The following WNT3 variants were observed in gnomAD, a reference collection of about 807,000 sequenced individuals.
The protein encoded by WNT3 is Wnt family member 3.
Under a neutral mutation model 34.2 loss-of-function variants are expected in WNT3, and 7 were observed. The observed-to-expected ratio is 0.20, with a 90% CI of 0.12 to 0.38. WNT3 has a LOEUF of 0.38. WNT3 is among the 10% of genes least tolerant of loss of function. The probability of loss-of-function intolerance (pLI) is 1.00; values close to 1 mark genes in which losing one functional copy is unlikely to be tolerated. For synonymous variants in WNT3, 212 were observed against 211.5 expected (o/e 1.00, Z -0.02); for missense variants, 267 against 499.8 (o/e 0.53, Z 4.44).
At chr17:46,765,798 G>A (rs972046408) in intron 4 of WNT3, among the ~76,000 whole-genome samples, 34 of 152,330 alleles carry the variant, frequency 2.2e-4, no homozygotes, top group Admixed American at 1.7e-3. Flanking sequence ...GGCCCTTCAT[G>A]TGCAGGGTCT....
chr17:46,779,053 T>TCTCACACACACACACACACACACA (rs1310974235), intron 1 of WNT3, among the ~76,000 whole-genome samples: 2 of 100,612 alleles, frequency 2.0e-5, no homozygotes, highest in African/African-American at 4.5e-5. Context: ...CCCTACCCCA[T>TCTCACACACACACACACACACACA]CACACACACA....
intron 1 of WNT3, among the ~76,000 whole-genome samples, chr17:46,795,440 C>A (rs139622645): frequency 6.6e-6 from 1 of 152,238 alleles, no homozygotes; most frequent in East Asian, 1.9e-4. Flanking sequence ...GAAGACCAGC[C>A]GGCCCGTGGG....
intron 1 of WNT3, among the ~76,000 whole-genome samples, chr17:46,799,629 G>A (rs1305793006): frequency 6.6e-6 from 1 of 151,824 alleles, no homozygotes; most frequent in South Asian, 2.1e-4. Context: ...TGTATTTTTA[G>A]TAGAGACAGA....
intron 1 of WNT3, among the ~76,000 whole-genome samples, chr17:46,803,426 C>T (rs944280362): frequency 4.6e-5 from 7 of 152,110 alleles, no homozygotes; most frequent in African/African-American, 9.7e-5. Flanking sequence ...CCCAGCTACT[C>T]GCAAGGCTCA....
intron 1 of WNT3, 135 bp from the exon 2 acceptor site, chr17:46,774,044 C>T: frequency 3.8e-6 from 5 of 1,310,488 alleles, no homozygotes; most frequent in Non-Finnish European, 5.2e-6. Context: ...GAATGTGCTA[C>T]CTTTGACCTC....
chr17:46,796,689 A>C (rs924282288), intron 1 of WNT3, among the ~76,000 whole-genome samples: 1 of 152,238 alleles, frequency 6.6e-6, no homozygotes, highest in Non-Finnish European at 1.5e-5. Flanking sequence ...ATGATTCACC[A>C]GCCAGACAGC....
intron 1 of WNT3, among the ~76,000 whole-genome samples, chr17:46,807,459 G>C (rs1199819671): frequency 2.0e-5 from 3 of 152,150 alleles, no homozygotes; most frequent in Admixed American, 1.3e-4. Context: ...TCCAGCCTGG[G>C]CAACAAGAGC....
Position 46,814,934 on chromosome 17 carries a change from C to T in WNT3, c.80+3584G>A, listed in dbSNP as rs115339813. Among the ~76,000 whole-genome samples the T allele has an allele frequency of 4.4e-3, 670 of 152,252 alleles. 10 individuals carry two copies. The highest frequency in any genetic ancestry group is 0.015 in the African/African-American group (638 of 41,542). ...GGCGAGAACTCAGGTGTGCTATTTC[C>T]CAGCTCACTGCCCTTGTCCTCTGCA... On this transcript the variant is annotated intron_variant, in intron 1 of 4. Transcript: ENST00000225512.
chr17:46,795,544 A>G (rs2084042211), intron 1 of WNT3, among the ~76,000 whole-genome samples: 1 of 152,168 alleles, frequency 6.6e-6, no homozygotes, highest in African/African-American at 2.4e-5. Flanking sequence ...CCTCAGGAAC[A>G]TGTGGCTACC....
chr17:46,785,698 G>A (rs2059498098), intron 1 of WNT3, among the ~76,000 whole-genome samples: 1 of 152,246 alleles, frequency 6.6e-6, no homozygotes, highest in Admixed American at 6.5e-5. Flanking sequence ...ATGGTTCTGG[G>A]CAGCCGTGGG....
intron 1 of WNT3, among the ~76,000 whole-genome samples, chr17:46,816,903 G>C (rs1045616571): frequency 1.3e-5 from 2 of 152,204 alleles, no homozygotes; most frequent in African/African-American, 4.8e-5. Context: ...AGGCTGGACT[G>C]GTGTTGGCAG....
In WNT3 at chr17:46,768,807, A is replaced by G. The variant is rs2059336953; in HGVS notation, c.589-8T>C. On this transcript the variant is annotated splice_region_variant and splice_polypyrimidine_tract_variant and intron_variant, in intron 3 of 4. Coordinates refer to ENST00000225512, the MANE Select transcript of WNT3 (RefSeq NM_030753.5). The surrounding 1 kb of genome is among the most constrained non-coding windows in gnomAD (Gnocchi z 5.0). ...CATGTGGTCCAGGATAGTCTGGGGG[A>G]GAGAAGTGGCAGCTGGCCAACAGAC... 1.9e-6 allele frequency: 3 copies of G among 1,611,926 alleles called. No homozygotes were observed. The highest frequency in any genetic ancestry group is 2.5e-6 in the Non-Finnish European group (3 of 1,179,098).
rs139553559 is a variant in WNT3, at chr17:46,807,429, C to A, written c.80+11089G>T. 7.0e-3 allele frequency among the ~76,000 whole-genome samples: 1,060 copies of A among 152,246 alleles called. 9 individuals are homozygous for A. The highest frequency in any genetic ancestry group is 0.023 in the African/African-American group (935 of 41,530). Reference sequence around the variant, plus strand: ...CCCGGGAGGCGGAGGTTGCAGTGAGCCGAGATCATGCTACTGCACTCCAGC... The same window carrying A: ...CCCGGGAGGCGGAGGTTGCAGTGAGACGAGATCATGCTACTGCACTCCAGC... On this transcript the variant is annotated intron_variant, in intron 1 of 4. Transcript: ENST00000225512.
At chr17:46,771,975 G>T (rs2059377995) in intron 2 of WNT3, among the ~76,000 whole-genome samples, 1 of 148,200 alleles carries the variant, frequency 6.7e-6, no homozygotes, top group East Asian at 2.0e-4. Flanking sequence ...CGACCCCGCC[G>T]CCCCCAGACT....
chr17:46,805,800 A>T (rs1449207081), intron 1 of WNT3, among the ~76,000 whole-genome samples: 1 of 152,194 alleles, frequency 6.6e-6, no homozygotes, highest in Admixed American at 6.5e-5. Context: ...CCCCAGGAAG[A>T]AAACCTGGGC....
At chr17:46,772,241 G>T (rs574733935) in intron 2 of WNT3, among the ~76,000 whole-genome samples, 1 of 152,122 alleles carries the variant, frequency 6.6e-6, no homozygotes, top group South Asian at 2.1e-4. Context: ...CCAAACTCTC[G>T]GGCACACATC....
At chr17:46,777,419 G>T (rs572714973) in intron 1 of WNT3, among the ~76,000 whole-genome samples, 1 of 152,318 alleles carries the variant, frequency 6.6e-6, no homozygotes, top group Admixed American at 6.5e-5. Context: ...CAGGGTCCCA[G>T]GTGGGTCTTC....
chr17:46,812,199 G>A (rs945406579), intron 1 of WNT3, among the ~76,000 whole-genome samples: 3 of 152,146 alleles, frequency 2.0e-5, no homozygotes, highest in Non-Finnish European at 4.4e-5. Flanking sequence ...CTGAGAGCAG[G>A]GAATTCCCTC....
chr17:46,797,549 A>G (rs2084070847), intron 1 of WNT3, among the ~76,000 whole-genome samples: 1 of 152,252 alleles, frequency 6.6e-6, no homozygotes, highest in South Asian at 2.1e-4. Flanking sequence ...CAAAGATGAC[A>G]GCACAGATGG....
Sources: gnomAD v4.1 joint callset for allele counts (sites outside exome capture counted in the v4.1 genomes callset) on GRCh38, gnomAD v4.1.1 for gene constraint, Gnocchi (gnomAD v3.1) non-coding constraint, MANE v1.5 for transcripts, NCBI Gene and HGNC (gene_info 2026-07-23, HGNC 2026-07-21) for gene names.